SLC22A23: variants seen among roughly 807,000 people sequenced by gnomAD.
SLC22A23 encodes the protein solute carrier family 22 member 23.
In SLC22A23, 26 loss-of-function variants were observed where a neutral mutation model predicts 61.0. That is an observed-to-expected ratio of 0.43 (90% confidence interval 0.31 to 0.59). SLC22A23 has a LOEUF of 0.59. SLC22A23 is among the 20% of genes least tolerant of loss of function. SLC22A23 has a pLI of 0.11. For missense variants in SLC22A23, 796 were observed against 934.7 expected (o/e 0.85, Z 1.94); for synonymous variants, 430 against 413.9 (o/e 1.04, Z -0.47).
rs1329859273 is a variant in SLC22A23 at position 3,377,287 on chromosome 6, C to T, written c.913+32901G>A. The stretch of plus-strand genomic sequence containing the variant: ...CTGAGCCCTAGTCTAGTATTATAGC[C>T]AGGGAAGGTGTAGGGAGGAAAGGGC... On this transcript the variant is annotated intron_variant, in intron 3 of 9. Transcript: ENST00000406686. 2.0e-5 allele frequency among the ~76,000 whole-genome samples: 3 copies of T among 152,212 alleles called. No homozygotes were observed. The East Asian group carries it at 5.8e-4, about 29-fold the overall frequency.
intron 9 of SLC22A23, chr6:3,282,480 G>A (rs1263630064): frequency 1.7e-6 from 1 of 593,724 alleles, no homozygotes; most frequent in Admixed American, 2.9e-5. Flanking sequence ...TGTTAGCATG[G>A]CTACTGGAAA....
chr6:3,288,377 G>T (rs1015853148), intron 6 of SLC22A23, among the ~76,000 whole-genome samples: 3 of 152,220 alleles, frequency 2.0e-5, no homozygotes, highest in African/African-American at 7.2e-5. Context: ...CTGCCCCATA[G>T]GGGGAAGCCA....
intron 1 of SLC22A23, among the ~76,000 whole-genome samples, chr6:3,433,231 C>T (rs1448183366): frequency 1.3e-5 from 2 of 152,194 alleles, no homozygotes; most frequent in Non-Finnish European, 2.9e-5. Context: ...GCTAAGTCAC[C>T]CTTGGGACAC....
chr6:3,416,918 A>G (rs1424481907), intron 1 of SLC22A23, among the ~76,000 whole-genome samples: 1 of 152,144 alleles, frequency 6.6e-6, no homozygotes, highest in Non-Finnish European at 1.5e-5. Context: ...GATGGGGAAC[A>G]TGGAAGGTGG....
intron 3 of SLC22A23, among the ~76,000 whole-genome samples, chr6:3,351,246 T>A (rs998415948): frequency 6.6e-6 from 1 of 152,060 alleles, no homozygotes; most frequent in Non-Finnish European, 1.5e-5. Context: ...TCAGGCAGGA[T>A]GGAAAAAAAA....
At chr6:3,339,310 T>C (rs1236340577) in intron 3 of SLC22A23, among the ~76,000 whole-genome samples, 3 of 152,080 alleles carry the variant, frequency 2.0e-5, no homozygotes. Flanking sequence ...TTCAAAGACT[T>C]TGTCAAGCTT....
In SLC22A23 at chr6:3,319,395, A is replaced by G. The variant is rs186729737; in HGVS notation, c.1082+4439T>C. On this transcript the variant is annotated intron_variant, in intron 4 of 9. Transcript: ENST00000406686. ...ACATTTAGGCCTCAGCACAAACATC[A>G]GCCCCTCAGAGGGGTCTCTCCTGAC... is the stretch of plus-strand genomic sequence containing the variant. 2.9e-3 allele frequency among the ~76,000 whole-genome samples: 446 copies of G among 152,316 alleles called. 2 individuals are homozygous for G. Among genetic ancestry groups the G allele is most frequent in the African/African-American group, 9.7e-3 (404 of 41,554 alleles).
rs575519414 is a variant in SLC22A23, at chr6:3,282,155, CTG to C, written c.1703+1695_1703+1696del. ...CCAGCTGGAAACCCAGAAGGTCTGA[CTG>C]TGGATTCTGGTCTATTGAAAGACTT... is the stretch of plus-strand genomic sequence containing the variant. On this transcript the variant is annotated intron_variant, in intron 9 of 9. Transcript: ENST00000406686. 4.1e-4 allele frequency: 290 copies of C among 700,244 alleles called. No individual in the cohort carries two copies. The East Asian group carries it at 7.2e-3, about 17-fold the overall frequency. 43.4% of individuals were successfully genotyped at this position (700,244 alleles called of 1,614,324 possible). A position where few individuals can be genotyped will look rare whatever the true frequency, so the allele number is the denominator to read the frequency against.
intron 3 of SLC22A23, among the ~76,000 whole-genome samples, chr6:3,326,908 T>C (rs1454830658): frequency 1.2e-4 from 18 of 152,248 alleles, no homozygotes; most frequent in Admixed American, 9.2e-4. Context: ...ATCAGTTTTT[T>C]TGGAAGTGGG....
At chr6:3,445,022 C>T (rs758437047) in intron 1 of SLC22A23, 434 of 976,864 alleles carry the variant, frequency 4.4e-4, no homozygotes, top group Non-Finnish European at 5.0e-4. Flanking sequence ...TTGCCAGGTA[C>T]GTGGGGGTGG....
chr6:3,370,413 G>A (rs899456593), intron 3 of SLC22A23, among the ~76,000 whole-genome samples: 6 of 152,266 alleles, frequency 3.9e-5, no homozygotes, highest in Non-Finnish European at 7.3e-5. Context: ...CACTTTGTAC[G>A]AAGCTTTCTC....
chr6:3,385,275 G>A (rs1209430237), intron 3 of SLC22A23, among the ~76,000 whole-genome samples: 1 of 152,170 alleles, frequency 6.6e-6, no homozygotes, highest in African/African-American at 2.4e-5. Flanking sequence ...CACTTTGAGA[G>A]GCCAAGGTGG....
chr6:3,341,155 C>T lies in SLC22A23; in HGVS notation c.914-17153G>A, dbSNP rs534147240. Among the ~76,000 whole-genome samples the T allele has an allele frequency of 1.5e-4, 23 of 152,172 alleles. 1 individual carries two copies. In the South Asian group the frequency reaches 4.4e-3, roughly 29 times the overall value. ...CACAGAGGTTGCTGAGAGGCTGGCC[C>T]GAGTCACAGATGACCTCAGAAGCTG... On this transcript the variant is annotated intron_variant, in intron 3 of 9. Coordinates refer to ENST00000406686, the MANE Select transcript of SLC22A23 (RefSeq NM_015482.2).
At chr6:3,442,939 CTT>C (rs1181791890) in intron 1 of SLC22A23, among the ~76,000 whole-genome samples, 2 of 152,182 alleles carry the variant, frequency 1.3e-5, no homozygotes, top group Non-Finnish European at 2.9e-5. Context: ...ACTGTCTCAA[CTT>C]TGAGAGAGCG....
intron 9 of SLC22A23, among the ~76,000 whole-genome samples, chr6:3,277,824 C>A (rs928761447): frequency 6.6e-6 from 1 of 152,216 alleles, no homozygotes; most frequent in African/African-American, 2.4e-5. Flanking sequence ...AAATAACGTA[C>A]TTTTTAGCAA....
chr6:3,371,740 A>C (rs913529), intron 3 of SLC22A23, among the ~76,000 whole-genome samples: 59,783 of 151,980 alleles, frequency 0.39, 12,049 homozygotes, highest in African/African-American at 0.49. Flanking sequence ...CACATTGATA[A>C]AGCAGTAACA....
At chr6:3,339,536 G>T (rs1016217141) in intron 3 of SLC22A23, among the ~76,000 whole-genome samples, 1 of 152,186 alleles carries the variant, frequency 6.6e-6, no homozygotes, top group Non-Finnish European at 1.5e-5. Context: ...CTAAGTCACA[G>T]GATGAGACAG....
chr6:3,406,625 G>T (rs191701880), intron 3 of SLC22A23, among the ~76,000 whole-genome samples: 239 of 152,086 alleles, frequency 1.6e-3, no homozygotes, highest in Middle Eastern at 6.8e-3. Flanking sequence ...TTAGTTCAGT[G>T]GCTCACAAAG....
At chr6:3,313,786 C>G (rs1188964144) in intron 4 of SLC22A23, 4 of 148,028 alleles carry the variant, frequency 2.7e-5, no homozygotes, top group African/African-American at 9.9e-5. Flanking sequence ...TTTGGGAGGC[C>G]AAGGTGGGTG....
Sources: allele counts gnomAD v4.1 joint callset (sites outside exome capture counted in the v4.1 genomes callset), GRCh38; gene constraint gnomAD v4.1.1; transcripts MANE v1.5; gene names NCBI Gene and HGNC (gene_info 2026-07-23, HGNC 2026-07-21).